Variants in NELL1 observed in about 807,000 individuals in gnomAD.
NELL1 encodes protein kinase C-binding protein NELL1.
In NELL1, 76 loss-of-function variants were observed where a neutral mutation model predicts 107.4. The observed-to-expected ratio is 0.71, with a 90% confidence interval of 0.59 to 0.86. The LOEUF is 0.86. NELL1 is among the 40% of genes least tolerant of loss of function. The pLI is 0.00. For missense variants in NELL1, 1,024 were observed against 1,005.5 expected (o/e 1.02, Z -0.25); for synonymous variants, 353 against 341.2 (o/e 1.03, Z -0.38).
At chr11:21,057,418 T>C (rs565318350) in intron 12 of NELL1, among the ~76,000 whole-genome samples, 4 of 152,156 alleles carry the variant, frequency 2.6e-5, no homozygotes, top group African/African-American at 7.2e-5. Context: ...TGTCTTAAAA[T>C]GTTGCATATC....
intron 12 of NELL1, among the ~76,000 whole-genome samples, chr11:20,970,254 T>C (rs1851472502): frequency 2.6e-5 from 4 of 152,190 alleles, no homozygotes; most frequent in African/African-American, 9.6e-5. Flanking sequence ...GCTGGAATTA[T>C]GCAGTATAAA....
At chr11:21,306,576 A>C (rs949667075) in intron 14 of NELL1, among the ~76,000 whole-genome samples, 1 of 152,052 alleles carries the variant, frequency 6.6e-6, no homozygotes, top group Non-Finnish European at 1.5e-5. Flanking sequence ...TTCTGAGAGC[A>C]ATTATCCCTT....
chr11:21,291,959 C>A (rs917842452), intron 14 of NELL1, among the ~76,000 whole-genome samples: 7 of 152,176 alleles, frequency 4.6e-5, no homozygotes, highest in Admixed American at 3.9e-4. Flanking sequence ...GACAAACCCA[C>A]AGCCAATATC....
intron 16 of NELL1, among the ~76,000 whole-genome samples, chr11:21,544,898 G>A (rs1171719087): frequency 3.3e-5 from 5 of 149,736 alleles, no homozygotes; most frequent in Admixed American, 6.6e-5. Context: ...TTTTTTTTCC[G>A]TTCTGTGGCA....
At chr11:21,563,602 T>C (rs1856900759) in intron 17 of NELL1, among the ~76,000 whole-genome samples, 1 of 152,036 alleles carries the variant, frequency 6.6e-6, no homozygotes, top group African/African-American at 2.4e-5. Flanking sequence ...ATTAGTAATC[T>C]AGAGATGATT....
intron 15 of NELL1, among the ~76,000 whole-genome samples, chr11:21,407,242 C>T (rs1852258030): frequency 6.6e-6 from 1 of 151,940 alleles, no homozygotes; most frequent in Admixed American, 6.6e-5. Context: ...ATGGTGAAAC[C>T]CTGTCTCTAC....
intron 15 of NELL1, among the ~76,000 whole-genome samples, chr11:21,429,264 T>C (rs1220487599): frequency 6.6e-6 from 1 of 152,220 alleles, no homozygotes; most frequent in African/African-American, 2.4e-5. Flanking sequence ...AAAACATCTC[T>C]AAGACAATTA....
intron 3 of NELL1, among the ~76,000 whole-genome samples, chr11:20,800,390 C>T (rs1857258648): frequency 1.3e-5 from 2 of 152,288 alleles, no homozygotes; most frequent in South Asian, 4.1e-4. Context: ...AATAGGCATT[C>T]TGAAGGGTAT....
At chr11:21,535,698 T>C (rs1856119564) in intron 16 of NELL1, among the ~76,000 whole-genome samples, 1 of 152,202 alleles carries the variant, frequency 6.6e-6, no homozygotes, top group South Asian at 2.1e-4. Context: ...ATTTCAGCTA[T>C]CTCATCTGTG....
At chr11:21,530,544 G>A (rs749904588) in intron 15 of NELL1, among the ~76,000 whole-genome samples, 1 of 151,918 alleles carries the variant, frequency 6.6e-6, no homozygotes, top group East Asian at 1.9e-4. Context: ...CATGGCACAC[G>A]TAGGACTTTT....
Position 20,750,018 on chromosome 11 carries a change from C to T in NELL1, c.185-33662C>T, listed in dbSNP as rs576303859. On this transcript the variant is annotated intron_variant, in intron 2 of 19. Coordinates refer to ENST00000357134, the MANE Select transcript of NELL1 (RefSeq NM_006157.5). ...ATGTAACTTTATAAGAAACCGCCAA[C>T]GAGTTCTCCAAAGTGGTTATTTATT... 3.8e-4 allele frequency among the ~76,000 whole-genome samples: 58 copies of T among 152,212 alleles called. 1 individual carries two copies. Among genetic ancestry groups the T allele is most frequent in the East Asian group, 2.7e-3 (14 of 5,190 alleles).
At chr11:21,382,662 T>C (rs1027509957) in intron 15 of NELL1, among the ~76,000 whole-genome samples, 15 of 151,924 alleles carry the variant, frequency 9.9e-5, no homozygotes, top group African/African-American at 3.6e-4. Context: ...CACCTTTCCA[T>C]AGGGCCCTTT....
intron 16 of NELL1, among the ~76,000 whole-genome samples, chr11:21,548,524 C>G (rs575250051): frequency 6.6e-6 from 1 of 151,886 alleles, no homozygotes; most frequent in Admixed American, 6.6e-5. Context: ...GCGGAAACCC[C>G]TTATAAAACC....
chr11:20,928,091 T>C (rs1850538121), intron 8 of NELL1, among the ~76,000 whole-genome samples: 1 of 152,244 alleles, frequency 6.6e-6, no homozygotes, highest in Non-Finnish European at 1.5e-5. Flanking sequence ...GCAAATGTGT[T>C]ATTTATGTTC....
rs77315574 is a variant in NELL1, at chr11:21,338,152, A to G, written c.1550-32701A>G. Among the ~76,000 whole-genome samples, 1,348 of 152,202 alleles carry G rather than the reference A, an allele frequency of 8.9e-3. 19 individuals carry two copies. Among genetic ancestry groups the G allele is most frequent in the African/African-American group, 0.03 (1,247 of 41,516 alleles). On this transcript the variant is annotated intron_variant, in intron 14 of 19. Coordinates refer to ENST00000357134, the MANE Select transcript of NELL1 (RefSeq NM_006157.5). ...GATGTGATGTACAGATATAATGACA[A>G]TGCAATGTAAAAATAAAATGCCGGT...
intron 12 of NELL1, among the ~76,000 whole-genome samples, chr11:20,987,650 G>C (rs1327314944): frequency 6.6e-6 from 1 of 152,098 alleles, no homozygotes; most frequent in East Asian, 1.9e-4. Context: ...CTCCCACCGG[G>C]TCCCTCCCAG....
At chr11:21,087,381 T>C (rs1854420134) in intron 12 of NELL1, among the ~76,000 whole-genome samples, 1 of 119,548 alleles carries the variant, frequency 8.4e-6, no homozygotes, top group African/African-American at 3.1e-5. Flanking sequence ...TGGTGTGATC[T>C]GAAAAGAAAA....
At chr11:20,801,649 G>A (rs899248850) in intron 3 of NELL1, among the ~76,000 whole-genome samples, 6 of 152,108 alleles carry the variant, frequency 3.9e-5, no homozygotes, top group African/African-American at 1.2e-4. Context: ...AGAAATATTT[G>A]CTCAGTCTAA....
At chr11:21,348,336 G>A (rs1850730065) in intron 14 of NELL1, among the ~76,000 whole-genome samples, 1 of 152,128 alleles carries the variant, frequency 6.6e-6, no homozygotes, top group Non-Finnish European at 1.5e-5. Context: ...TGAACATGTG[G>A]TATTCACTTA....
Sources: gnomAD v4.1 joint callset for allele counts (sites outside exome capture counted in the v4.1 genomes callset) on GRCh38, gnomAD v4.1.1 for gene constraint, MANE v1.5 for transcripts, NCBI Gene and HGNC (gene_info 2026-07-23, HGNC 2026-07-21) for gene names.